The following LAMA2 variants were observed in gnomAD, a reference collection of about 807,000 sequenced individuals.
The protein encoded by LAMA2 is laminin subunit alpha-2.
LAMA2 carries 269 observed loss-of-function variants against 364.8 expected under a neutral mutation model. The observed-to-expected ratio is 0.74, with a 90% CI of 0.67 to 0.82. LAMA2 has a LOEUF of 0.82. Among genes scored for constraint, LAMA2 ranks in the 40% least tolerant of loss-of-function variants. The pLI is 0.00. For synonymous variants in LAMA2, 1,379 were observed against 1,370.6 expected (o/e 1.01, Z -0.14); for missense variants, 3,807 against 3,873.2 (o/e 0.98, Z 0.45).
Position 129,037,378 on chromosome 6 carries a change from G to T in LAMA2, c.113-12540G>T, listed in dbSNP as rs541042860. ...CCATGTATTATTGTAAACAGTATATGATATCTTAGAGATTATTTTAAAATG... is the reference window on the plus strand; with the variant it reads ...CCATGTATTATTGTAAACAGTATATTATATCTTAGAGATTATTTTAAAATG... On this transcript the variant is annotated intron_variant, in intron 1 of 64. Coordinates refer to ENST00000421865, the MANE Select transcript of LAMA2 (RefSeq NM_000426.4). 2.6e-5 allele frequency among the ~76,000 whole-genome samples: 4 copies of T among 152,238 alleles called. No individual in the cohort carries two copies. The East Asian group carries it at 7.7e-4, about 29-fold the overall frequency.
intron 8 of LAMA2, chr6:129,158,581 T>C: frequency 6.2e-7 from 1 of 1,614,092 alleles, no homozygotes; most frequent in Non-Finnish European, 8.5e-7. Flanking sequence ...GAGATGCTCT[T>C]GCAATAATGT....
At chr6:129,211,991 A>C (rs556302450) in intron 12 of LAMA2, among the ~76,000 whole-genome samples, 1 of 152,362 alleles carries the variant, frequency 6.6e-6, no homozygotes, top group South Asian at 2.1e-4. Flanking sequence ...TTTACACAAA[A>C]GATAAGAGAA....
Position 129,491,956 on chromosome 6 carries a change from G to T in LAMA2, c.7954G>T (p.Glu2652Ter). The change falls in exon 57 of 65, where the codon GAA (glutamate) becomes TAA (stop). Residue 2652 changes from glutamate to a stop codon, truncating the protein, a stop_gained. Coordinates refer to ENST00000421865, the MANE Select transcript of LAMA2 (RefSeq NM_000426.4). LOFTEE classifies it high-confidence loss of function. ...NRRYMQNLTVEQPIEVKKLFV... is the reference protein window; with the variant it reads ...NRRYMQNLTV The stretch of plus-strand genomic sequence containing the variant: ...AAGATACATGCAAAACCTGACAGTT[G>T]AACAGCCTATCGAAGTTAAAAAGCT... 1 of 1,613,876 alleles carries T rather than the reference G, an allele frequency of 6.2e-7. No homozygotes were observed.
chr6:129,098,468 T>G, intron 4 of LAMA2, 53 bp downstream of exon 4: 1 of 1,593,530 alleles, frequency 6.3e-7, no homozygotes, highest in Non-Finnish European at 8.6e-7. Flanking sequence ...GAAATAGGCC[T>G]GTCAGAAAGA....
At chr6:129,306,254 C>T (rs1327919203) in intron 22 of LAMA2, among the ~76,000 whole-genome samples, 3 of 148,388 alleles carry the variant, frequency 2.0e-5, no homozygotes, top group Admixed American at 2.0e-4. Flanking sequence ...CCATTAACTA[C>T]TTCCTAATCT....
In LAMA2 at chr6:129,144,035, T is replaced by G; in HGVS notation, c.774T>G (p.Phe258Leu). The change falls in exon 5 of 65, where the codon TTT becomes TTG. Residue 258 changes from phenylalanine to leucine, a missense_variant. Phe to Leu is a conservative substitution (Grantham distance 22). This residue lies in a region of LAMA2 where 394 missense variants were observed against 403.5 expected (regional missense o/e 0.98). Coordinates refer to ENST00000421865, the MANE Select transcript of LAMA2 (RefSeq NM_000426.4). ...CACTGAATGCTGACTTGATGATGTT[T>G]GCTCACAAAGACCCAAGAGAAATTG... The part of the protein sequence containing the change: ...IRTLNADLMM[F>L]AHKDPREIDP... The G allele has an allele frequency of 6.2e-7, 1 of 1,612,692 alleles. No individual in the cohort carries two copies. The highest frequency in any genetic ancestry group is 1.1e-5 in the South Asian group (1 of 91,058).
chr6:129,416,788 G>GCACCT, intron 40 of LAMA2, among the ~76,000 whole-genome samples: 1 of 150,730 alleles, frequency 6.6e-6, no homozygotes, highest in Non-Finnish European at 1.5e-5. Flanking sequence ...ACCTGCCAAG[G>GCACCT]GTGATTCAGG....
intron 6 of LAMA2, among the ~76,000 whole-genome samples, chr6:129,148,270 A>G (rs1441891511): frequency 6.6e-6 from 1 of 152,100 alleles, no homozygotes; most frequent in Non-Finnish European, 1.5e-5. Flanking sequence ...ACCAAACACT[A>G]TATGTTCTCA....
At chr6:129,386,205 T>C (rs1468613373) in intron 35 of LAMA2, among the ~76,000 whole-genome samples, 1 of 152,154 alleles carries the variant, frequency 6.6e-6, no homozygotes, top group Non-Finnish European at 1.5e-5. Flanking sequence ...ATACATCTTT[T>C]ACAATCATTT....
At chr6:129,210,414 A>G (rs531042007) in intron 12 of LAMA2, among the ~76,000 whole-genome samples, 1 of 152,240 alleles carries the variant, frequency 6.6e-6, no homozygotes, top group East Asian at 1.9e-4. Flanking sequence ...ACACACACAC[A>G]CACACACCAC....
At chr6:128,906,709 C>A (rs1777497709) in intron 1 of LAMA2, among the ~76,000 whole-genome samples, 1 of 151,968 alleles carries the variant, frequency 6.6e-6, no homozygotes, top group Admixed American at 6.6e-5. Context: ...AAGTCCTTAC[C>A]CATGCCTATG....
chr6:129,189,179 G>A (rs184695148), intron 10 of LAMA2, among the ~76,000 whole-genome samples: 71 of 152,088 alleles, frequency 4.7e-4, no homozygotes, highest in Non-Finnish European at 8.1e-4. Flanking sequence ...GTTGTGATAG[G>A]GTAATGTATA....
chr6:129,104,454 C>T (rs181028329), intron 4 of LAMA2, among the ~76,000 whole-genome samples: 3 of 152,328 alleles, frequency 2.0e-5, no homozygotes, highest in Non-Finnish European at 4.4e-5. Flanking sequence ...GCCAAATCCA[C>T]TGAGTCTAAA....
chr6:128,957,836 A>AT (rs10652900), intron 1 of LAMA2, among the ~76,000 whole-genome samples: 28,657 of 51,296 alleles, frequency 0.56, 9,454 homozygotes, highest in South Asian at 0.67. Context: ...TACTTCATGC[A>AT]TTTTTTTTTT....
intron 12 of LAMA2, among the ~76,000 whole-genome samples, chr6:129,225,572 A>C (rs1163874212): frequency 1.3e-5 from 2 of 152,086 alleles, no homozygotes; most frequent in Middle Eastern, 3.2e-3. Flanking sequence ...TCTTTATTCC[A>C]GCCTTCATTT....
intron 1 of LAMA2, among the ~76,000 whole-genome samples, chr6:129,025,340 T>A (rs1247187744): frequency 3.9e-5 from 6 of 152,196 alleles, no homozygotes; most frequent in Non-Finnish European, 5.9e-5. Flanking sequence ...TGTTTTGCAT[T>A]TAAAAGAAAA....
intron 29 of LAMA2, among the ~76,000 whole-genome samples, chr6:129,336,304 A>C (rs567333661): frequency 6.6e-6 from 1 of 152,316 alleles, no homozygotes; most frequent in Admixed American, 6.5e-5. Flanking sequence ...AATTAAAAAA[A>C]AGAATAGGTT....
At chr6:129,265,558 G>A (rs1344690236) in intron 15 of LAMA2, among the ~76,000 whole-genome samples, 1 of 152,014 alleles carries the variant, frequency 6.6e-6, no homozygotes, top group African/African-American at 2.4e-5. Context: ...AATCTAGGGA[G>A]GCAAAAAATG....
chr6:129,074,104 C>T (rs950473605), intron 3 of LAMA2, among the ~76,000 whole-genome samples: 3 of 152,034 alleles, frequency 2.0e-5, no homozygotes. Flanking sequence ...TTTCAGGACT[C>T]CAGTGGAAAC....
Sources: allele counts gnomAD v4.1 joint callset (sites outside exome capture counted in the v4.1 genomes callset), GRCh38; gene constraint gnomAD v4.1.1; regional missense constraint gnomAD v4.1.1; transcripts MANE v1.5; gene names NCBI Gene and HGNC (gene_info 2026-07-23, HGNC 2026-07-21).